Variants in CELF2 observed in about 807,000 individuals in gnomAD.
The protein encoded by CELF2 is CUGBP Elav-like family member 2, also known as CUG triplet repeat RNA-binding protein 2.
In CELF2, 8 loss-of-function variants were observed where a neutral mutation model predicts 62.6. The observed-to-expected ratio is 0.13, with a 90% CI of 0.07 to 0.23. CELF2 has a LOEUF of 0.23. Ranked by LOEUF, CELF2 falls within the 10% of genes least tolerant of loss-of-function variation. CELF2 has a pLI of 1.00. For synonymous variants in CELF2, 258 were observed against 250.0 expected (o/e 1.03, Z -0.30); for missense variants, 333 against 671.0 (o/e 0.50, Z 5.56).
chr10:11,198,836 A>G (rs2399661), intron 2 of CELF2, among the ~76,000 whole-genome samples: 13,730 of 152,282 alleles, frequency 0.09, 685 homozygotes, highest in Middle Eastern at 0.15. Flanking sequence ...GTTCGTGGCA[A>G]TCTATAGACT....
chr10:11,217,346 G>A lies in CELF2; in HGVS notation c.272-79G>A. 1.1e-6 allele frequency: 1 copy of A among 939,784 alleles called. No individual in the cohort carries two copies. The highest frequency in any genetic ancestry group is 1.5e-5 in the South Asian group (1 of 67,366). 58.2% of individuals were successfully genotyped at this position (939,784 alleles called of 1,614,324 possible). A position where few individuals can be genotyped will look rare whatever the true frequency, so the allele number is the denominator to read the frequency against. On this transcript the variant is annotated intron_variant, in intron 2 of 12. Coordinates refer to ENST00000633077, the MANE Select transcript of CELF2 (RefSeq NM_001326342.2). The surrounding 1 kb of genome is among the most constrained non-coding windows in gnomAD (Gnocchi z 5.6). Reference sequence around the variant, plus strand: ...AATTGTGCGTCCTTTTAAGTAGATTGTTTGTTCGCCACAGTCTCCATTATA... The same window carrying A: ...AATTGTGCGTCCTTTTAAGTAGATTATTTGTTCGCCACAGTCTCCATTATA...
the CELF2 span, among the ~76,000 whole-genome samples, chr10:10,529,683 CAAAAAAAAAAAAA>C: frequency 1.2e-4 from 8 of 65,458 alleles, no homozygotes; most frequent in Non-Finnish European, 1.6e-4. Context: ...GACTCCATCT[CAAAAAAAAAAAAA>C]AAAAAAAAAA....
In CELF2 at chr10:11,012,563, G is replaced by A. The variant is rs990335313; in HGVS notation, c.53+7123G>A. Among the ~76,000 whole-genome samples the A allele has an allele frequency of 5.9e-5, 9 of 152,092 alleles. No individual in the cohort carries two copies. Among genetic ancestry groups the A allele is most frequent in the Non-Finnish European group, 1.0e-4 (7 of 68,008 alleles). On this transcript the variant is annotated intron_variant, in intron 1 of 12. Transcript: ENST00000416382. The surrounding 1 kb of genome is among the most constrained non-coding windows in gnomAD (Gnocchi z 5.5). ...CACCCCACCTGTTGCTGCCTTCTCC[G>A]GGACCGAATGTTACGCCTGCAACTG...
chr10:10,580,884 A>C, the CELF2 span, among the ~76,000 whole-genome samples: 13 of 152,214 alleles, frequency 8.5e-5, no homozygotes, highest in African/African-American at 3.1e-4. Context: ...AAAACTCTAA[A>C]GAAGCTAATA....
upstream of CELF2, among the ~76,000 whole-genome samples, chr10:11,013,136 G>A (rs2056732656): frequency 6.6e-6 from 1 of 152,154 alleles, no homozygotes; most frequent in Non-Finnish European, 1.5e-5. This position sits in a 1 kb window ranked among gnomAD's most constrained non-coding sequence, Gnocchi z 4.1. Context: ...GATTTCTCTG[G>A]CAGATGAGCA....
chr10:10,655,672 T>G, the CELF2 span, among the ~76,000 whole-genome samples: 2 of 125,536 alleles, frequency 1.6e-5, no homozygotes, highest in South Asian at 3.7e-4. Flanking sequence ...TAGCCATATG[T>G]AGAAAGCTGA....
At chr10:10,884,442 A>G (rs192283537) in intron 1 of CELF2, among the ~76,000 whole-genome samples, 1 of 152,346 alleles carries the variant, frequency 6.6e-6, no homozygotes, top group African/African-American at 2.4e-5. Flanking sequence ...GTCAAAGGTC[A>G]AAGTATGAGT....
chr10:10,784,342 T>C, the CELF2 span: 1 of 152,420 alleles, frequency 6.6e-6, no homozygotes, highest in African/African-American at 2.4e-5. Context: ...GCTAGCCTTG[T>C]TGTCCATGAA....
intron 8 of CELF2, among the ~76,000 whole-genome samples, chr10:11,276,349 C>T (rs1340845433): frequency 6.6e-6 from 1 of 152,148 alleles, no homozygotes; most frequent in African/African-American, 2.4e-5. Flanking sequence ...CACCTGGTTC[C>T]GTTGTAACAT....
chr10:10,587,469 TA>T, the CELF2 span, among the ~76,000 whole-genome samples: 2 of 152,162 alleles, frequency 1.3e-5, no homozygotes, highest in Admixed American at 1.3e-4. Context: ...GCTACACAAT[TA>T]AAGTGTTCAG....
At chr10:11,025,581 G>C (rs910452229) in intron 1 of CELF2, among the ~76,000 whole-genome samples, 4 of 152,116 alleles carry the variant, frequency 2.6e-5, no homozygotes, top group African/African-American at 9.7e-5. Context: ...ACTGTGAGTT[G>C]AGTAAAACTC....
At chr10:10,490,046 C>T in the CELF2 span, among the ~76,000 whole-genome samples, 2 of 151,904 alleles carry the variant, frequency 1.3e-5, no homozygotes, top group Non-Finnish European at 2.9e-5. Context: ...TCTGAAACAT[C>T]ACATTTGATT....
chr10:10,920,804 G>A (rs751478024), intron 2 of CELF2, among the ~76,000 whole-genome samples: 1 of 148,288 alleles, frequency 6.7e-6, no homozygotes, highest in Non-Finnish European at 1.5e-5. Flanking sequence ...GGAGGGAGAG[G>A]GGATGGGGGA....
chr10:11,130,983 C>G (rs2059537699), intron 1 of CELF2, among the ~76,000 whole-genome samples: 1 of 152,200 alleles, frequency 6.6e-6, no homozygotes, highest in African/African-American at 2.4e-5. Context: ...ATGGAAACAT[C>G]CAAGGTGAAT....
intron 1 of CELF2, among the ~76,000 whole-genome samples, chr10:10,818,181 T>C (rs777338343): frequency 1.3e-5 from 2 of 152,222 alleles, no homozygotes; most frequent in Non-Finnish European, 2.9e-5. Flanking sequence ...AGAGGTACTA[T>C]ATGCCACTGG....
chr10:10,828,223 C>T (rs1247728411), intron 1 of CELF2, among the ~76,000 whole-genome samples: 1 of 152,086 alleles, frequency 6.6e-6, no homozygotes, highest in Non-Finnish European at 1.5e-5. Context: ...TTCACAGCAG[C>T]ATTATTCATG....
intron 1 of CELF2, among the ~76,000 whole-genome samples, chr10:10,818,825 G>A (rs899567046): frequency 6.6e-6 from 1 of 152,132 alleles, no homozygotes; most frequent in African/African-American, 2.4e-5. Context: ...TAATCTGCCT[G>A]CCTCGGCCTC....
chr10:10,834,317 A>G (rs1182390932), intron 1 of CELF2, among the ~76,000 whole-genome samples: 1 of 152,134 alleles, frequency 6.6e-6, no homozygotes, highest in East Asian at 1.9e-4. Flanking sequence ...CAGAGGGTGG[A>G]GGTTGGGAGG....
At position 11,285,612 on chromosome 10, in the gene CELF2, T is replaced by C. The variant is rs2090959892; in HGVS notation, c.842-2806T>C. Among the ~76,000 whole-genome samples, 1 of 152,168 alleles carries C rather than the reference T, an allele frequency of 6.6e-6. No homozygotes were observed. The highest frequency in any genetic ancestry group is 2.4e-5 in the African/African-American group (1 of 41,418). Reference sequence around the variant, plus strand: ...GACTAAACATGGGCCCTAGTAAGTATCTGTACAGTGGATTAGTTAATGATT... The same window carrying C: ...GACTAAACATGGGCCCTAGTAAGTACCTGTACAGTGGATTAGTTAATGATT... On this transcript the variant is annotated intron_variant, in intron 8 of 12. Transcript: ENST00000633077. The surrounding 1 kb of genome is among the most constrained non-coding windows in gnomAD (Gnocchi z 4.3).
Sources: gnomAD v4.1 joint callset for allele counts (sites outside exome capture counted in the v4.1 genomes callset) on GRCh38, gnomAD v4.1.1 for gene constraint, Gnocchi (gnomAD v3.1) non-coding constraint, MANE v1.5 for transcripts, NCBI Gene and HGNC (gene_info 2026-07-23, HGNC 2026-07-21) for gene names.